CNTNAP2: variants seen among roughly 807,000 people sequenced by gnomAD.
CNTNAP2 encodes the protein contactin associated protein 2, also known as contactin-associated protein-like 2.
In CNTNAP2, 98 loss-of-function variants were observed where a neutral mutation model predicts 155.2. The observed-to-expected ratio is 0.63, with a 90% CI of 0.54 to 0.75. The LOEUF (loss-of-function observed/expected upper bound fraction) is 0.75. Ranked by LOEUF, CNTNAP2 falls within the 30% of genes least tolerant of loss-of-function variation. CNTNAP2 has a pLI of 0.00. For synonymous variants in CNTNAP2, 651 were observed against 631.2 expected, an observed-to-expected ratio of 1.03 and a Z score of -0.47; for missense variants, 1,727 against 1,688.1, an observed-to-expected ratio of 1.02 and a Z score of -0.40.
At chr7:146,985,927 AT>A (rs1798107449) in intron 3 of CNTNAP2, among the ~76,000 whole-genome samples, 1 of 152,052 alleles carries the variant, frequency 6.6e-6, no homozygotes, top group Admixed American at 6.5e-5. Context: ...AATCTTAATT[AT>A]TTTTATTAAA....
chr7:147,972,047 T>A (rs1801342472), intron 14 of CNTNAP2, among the ~76,000 whole-genome samples: 1 of 152,200 alleles, frequency 6.6e-6, no homozygotes, highest in African/African-American at 2.4e-5. Context: ...TATAGCTATC[T>A]TGGTAGTGTG....
At chr7:147,166,270 T>C (rs1276239762) in intron 8 of CNTNAP2, among the ~76,000 whole-genome samples, 2 of 152,208 alleles carry the variant, frequency 1.3e-5, no homozygotes, top group Non-Finnish European at 2.9e-5. Flanking sequence ...AGACTATTAT[T>C]CTAAGTGAAG....
chr7:147,737,081 G>C (rs1030271827), intron 13 of CNTNAP2, among the ~76,000 whole-genome samples: 1 of 152,162 alleles, frequency 6.6e-6, no homozygotes, highest in Non-Finnish European at 1.5e-5. Flanking sequence ...GCATTCCTTT[G>C]GAGGTGGAGA....
intron 11 of CNTNAP2, chr7:147,496,938 T>C (rs1798720408): frequency 6.6e-6 from 1 of 152,202 alleles, no homozygotes; most frequent in South Asian, 2.1e-4. Flanking sequence ...ATTGTTGTAA[T>C]CTGGGGCGAA....
intron 4 of CNTNAP2, among the ~76,000 whole-genome samples, chr7:147,061,155 G>C (rs1434708550): frequency 1.3e-5 from 2 of 150,936 alleles, no homozygotes; most frequent in Non-Finnish European, 2.9e-5. Context: ...CTATTAATGG[G>C]CATGAAGTTG....
Position 146,873,174 on chromosome 7 carries a change from G to T in CNTNAP2, c.402+33270G>T, listed in dbSNP as rs903359386. The stretch of plus-strand genomic sequence containing the variant: ...CATTCTTATATGCCTGTCTATTAAT[G>T]CTATACAAGATGTCTGGTTTAAACT... On this transcript the variant is annotated intron_variant, in intron 3 of 23. Coordinates refer to ENST00000361727, the MANE Select transcript of CNTNAP2 (RefSeq NM_014141.6). Among the ~76,000 whole-genome samples, 7 of 152,114 alleles carry T rather than the reference G, an allele frequency of 4.6e-5. 1 individual carries two copies. Among genetic ancestry groups the T allele is most frequent in the Non-Finnish European group, 1.0e-4 (7 of 68,020 alleles).
chr7:148,227,923 G>A (rs1795884319), intron 19 of CNTNAP2, among the ~76,000 whole-genome samples: 1 of 150,110 alleles, frequency 6.7e-6, no homozygotes, highest in Admixed American at 6.6e-5. Flanking sequence ...GTGTGTGTGT[G>A]TGTGTGTGTG....
At chr7:146,672,660 C>A (rs1474036812) in intron 1 of CNTNAP2, among the ~76,000 whole-genome samples, 1 of 152,126 alleles carries the variant, frequency 6.6e-6, no homozygotes, top group Non-Finnish European at 1.5e-5. Flanking sequence ...AAATGGATTA[C>A]AAGATCCCTA....
At chr7:146,626,217 A>G (rs1374702763) in intron 1 of CNTNAP2, among the ~76,000 whole-genome samples, 1 of 152,160 alleles carries the variant, frequency 6.6e-6, no homozygotes, top group Non-Finnish European at 1.5e-5. Flanking sequence ...AAAAATGTTC[A>G]GTTATATATT....
chr7:148,214,247 A>T (rs1443653451), intron 18 of CNTNAP2, among the ~76,000 whole-genome samples: 2 of 152,232 alleles, frequency 1.3e-5, no homozygotes, highest in Non-Finnish European at 2.9e-5. Flanking sequence ...AGCACCCAGC[A>T]TCGTGCCCAG....
intron 9 of CNTNAP2, among the ~76,000 whole-genome samples, chr7:147,375,560 C>A (rs543153226): frequency 6.6e-6 from 1 of 151,942 alleles, no homozygotes; most frequent in Non-Finnish European, 1.5e-5. Flanking sequence ...GGGGCCCCAG[C>A]CAATCTCCAA....
intron 1 of CNTNAP2, among the ~76,000 whole-genome samples, chr7:146,643,199 A>C (rs1196155337): frequency 2.0e-5 from 3 of 148,654 alleles, no homozygotes; most frequent in Admixed American, 6.7e-5. Flanking sequence ...TTTTGTTGCC[A>C]TTGCTTTTGG....
chr7:148,055,094 G>T (rs1399734570), intron 15 of CNTNAP2, among the ~76,000 whole-genome samples: 1 of 151,902 alleles, frequency 6.6e-6, no homozygotes, highest in Non-Finnish European at 1.5e-5. Flanking sequence ...ATGTTGGCCA[G>T]GTTGGTCTCA....
intron 21 of CNTNAP2, among the ~76,000 whole-genome samples, chr7:148,295,337 A>G (rs115494060): frequency 0.011 from 1,733 of 152,230 alleles, 34 homozygotes; most frequent in African/African-American, 0.039. Flanking sequence ...CTCTTCTTCT[A>G]TCTTGAACTA....
chr7:146,607,768 G>A (rs1006868268), intron 1 of CNTNAP2, among the ~76,000 whole-genome samples: 17 of 152,016 alleles, frequency 1.1e-4, no homozygotes, highest in African/African-American at 3.6e-4. Flanking sequence ...ATGAGCCACC[G>A]GGCCTGGCCT....
intron 8 of CNTNAP2, among the ~76,000 whole-genome samples, chr7:147,165,485 T>C (rs1802098433): frequency 6.6e-6 from 1 of 152,194 alleles, no homozygotes; most frequent in South Asian, 2.1e-4. Context: ...CCCTTTGCTG[T>C]GCAGATAAGT....
rs552617431 is a variant in CNTNAP2, at chr7:147,835,950, G to A, written c.2099-67615G>A. 1.1e-4 allele frequency among the ~76,000 whole-genome samples: 16 copies of A among 152,296 alleles called. No individual in the cohort carries two copies. In the East Asian group the frequency reaches 1.4e-3, roughly 13 times the overall value. On this transcript the variant is annotated intron_variant, in intron 13 of 23. Coordinates refer to ENST00000361727, the MANE Select transcript of CNTNAP2 (RefSeq NM_014141.6). ...AACCTCCTCCCCTGGAGCTGTGGAG[G>A]GAGTGCAGTCCTGCTGAGGCCTCCA...
intron 15 of CNTNAP2, among the ~76,000 whole-genome samples, chr7:148,062,011 T>TAGATAGATGATAGAGAG (rs1803163415): frequency 1.2e-5 from 1 of 84,182 alleles, no homozygotes; most frequent in Non-Finnish European, 2.4e-5. Flanking sequence ...AGATAGATGA[T>TAGATAGATGATAGAGAG]AGAGAGAGAG....
At chr7:147,349,749 C>T (rs1393754337) in intron 9 of CNTNAP2, among the ~76,000 whole-genome samples, 4 of 151,886 alleles carry the variant, frequency 2.6e-5, no homozygotes, top group Non-Finnish European at 5.9e-5. Context: ...AACATATGTA[C>T]TACCCTACCA....
Sources: allele counts gnomAD v4.1 joint callset (sites outside exome capture counted in the v4.1 genomes callset), GRCh38; gene constraint gnomAD v4.1.1; transcripts MANE v1.5; gene names NCBI Gene and HGNC (gene_info 2026-07-23, HGNC 2026-07-21).